The following PCDHGA6 variants were observed in gnomAD, a reference collection of about 807,000 sequenced individuals.
The protein encoded by PCDHGA6 is protocadherin gamma subfamily A, 6, also known as protocadherin gamma-A6.
A neutral mutation model predicts 60.6 loss-of-function variants in PCDHGA6; 41 were observed. The observed-to-expected ratio is 0.68, with a 90% CI of 0.53 to 0.88. The LOEUF (loss-of-function observed/expected upper bound fraction) is 0.88. Among genes scored for constraint, PCDHGA6 ranks in the 40% least tolerant of loss-of-function variants. The pLI, the probability that PCDHGA6 is intolerant of heterozygous loss-of-function variation, is 0.00. For missense variants in PCDHGA6, 1,312 were observed against 1,203.0 expected, an observed-to-expected ratio of 1.09 and a Z score of -1.34; for synonymous variants, 594 against 524.4, an observed-to-expected ratio of 1.13 and a Z score of -1.81.
At chr5:141,463,738 G>A (rs1002263384) in intron 1 of PCDHGA6, among the ~76,000 whole-genome samples, 4 of 151,978 alleles carry the variant, frequency 2.6e-5, no homozygotes, top group Admixed American at 2.6e-4. Flanking sequence ...GAGCCACCGC[G>A]CCCGGCCTGC....
intron 1 of PCDHGA6, chr5:141,395,097 G>C (rs376460647): frequency 1.9e-6 from 3 of 1,614,158 alleles, no homozygotes; most frequent in Non-Finnish European, 2.5e-6. Flanking sequence ...CCTCACCGCC[G>C]ACTCGCGGAA....
In PCDHGA6 at chr5:141,476,742, G is replaced by C. The variant is rs1015622831; in HGVS notation, c.2425-18065G>C. 8.7e-6 allele frequency: 14 copies of C among 1,613,936 alleles called. No homozygotes were observed. Among genetic ancestry groups the C allele is most frequent in the Non-Finnish European group, 1.1e-5 (13 of 1,180,032 alleles). On this transcript the variant is annotated intron_variant, in intron 1 of 3. Transcript: ENST00000517434. The surrounding 1 kb of genome is among the most constrained non-coding windows in gnomAD (Gnocchi z 7.6). ...GCCCTGGACCGAGAACGGGAGCCTA[G>C]TCTCCAGTTAGTGCTGACGGCGTTG...
intron 1 of PCDHGA6, among the ~76,000 whole-genome samples, chr5:141,438,637 C>G (rs11958903): frequency 3.2e-5 from 1 of 30,940 alleles, no homozygotes. Context: ...TATATATATA[C>G]ACACACACAC....
At chr5:141,437,225 T>C (rs943242286) in intron 1 of PCDHGA6, among the ~76,000 whole-genome samples, 2 of 152,240 alleles carry the variant, frequency 1.3e-5, no homozygotes, top group Admixed American at 1.3e-4. Flanking sequence ...ATTCCAGTCA[T>C]AAAATTATGT....
rs1279890312 is a variant in PCDHGA6, at chr5:141,432,403, G to C, written c.2424+55896G>C. On this transcript the variant is annotated intron_variant, in intron 1 of 3. Transcript: ENST00000517434. This position sits in a 1 kb window ranked among gnomAD's most constrained non-coding sequence, Gnocchi z 6.0. ...CGCCCCTCAGCAGCAACGTGTCGTT[G>C]AGCCTGTTCGTGCTGGACCAGAACG... 1.9e-6 allele frequency: 3 copies of C among 1,614,242 alleles called. No homozygotes were observed. Among genetic ancestry groups the C allele is most frequent in the Non-Finnish European group, 8.5e-7 (1 of 1,180,052 alleles).
chr5:141,448,145 A>G (rs2098568457), intron 1 of PCDHGA6, among the ~76,000 whole-genome samples: 1 of 151,716 alleles, frequency 6.6e-6, no homozygotes, highest in South Asian at 2.1e-4. Flanking sequence ...TATACCTCAG[A>G]CTCACCCCTG....
At chr5:141,387,666 A>C (rs1286333740) in intron 1 of PCDHGA6, 1 of 683,200 alleles carries the variant, frequency 1.5e-6, no homozygotes, top group African/African-American at 1.8e-5. Flanking sequence ...TTGGCGCTCC[A>C]GATCTCCTCG....
rs1242744421 is a variant in PCDHGA6, at chr5:141,374,746, C to T, written c.663C>T (p.Val221=). 2.5e-6 allele frequency: 4 copies of T among 1,612,108 alleles called. No homozygotes were observed. The highest frequency in any genetic ancestry group is 4.5e-5 in the East Asian group (2 of 44,814). The change falls in exon 1 of 4, where the codon GTC becomes GTT. Residue 221 remains valine, a synonymous_variant. Transcript: ENST00000517434. ...VLTAMDGGDP[V]RSSVAQILVT... ...CTGCCATGGATGGCGGCGACCCTGT[C>T]CGCTCAAGCGTCGCCCAAATTCTGG...
chr5:141,489,290 G>A lies in PCDHGA6; in HGVS notation c.2425-5517G>A. 6.3e-7 allele frequency: 1 copy of A among 1,577,514 alleles called. No individual in the cohort carries two copies. The highest frequency in any genetic ancestry group is 8.6e-7 in the Non-Finnish European group (1 of 1,162,002). ...CTCGCTGGGAAATGGCAAGTGCTGT[G>A]CATGTTGTCCTTGTGCTGCTGGGGC... On this transcript the variant is annotated intron_variant, in intron 1 of 3. Transcript: ENST00000517434. This position sits in a 1 kb window ranked among gnomAD's most constrained non-coding sequence, Gnocchi z 4.5.
chr5:141,431,553 A>T lies in PCDHGA6; in HGVS notation c.2424+55046A>T, dbSNP rs762863300. On this transcript the variant is annotated intron_variant, in intron 1 of 3. Coordinates refer to ENST00000517434, the MANE Select transcript of PCDHGA6 (RefSeq NM_018919.3). The surrounding 1 kb of genome is among the most constrained non-coding windows in gnomAD (Gnocchi z 4.8). Reference sequence around the variant, plus strand: ...TTGGGCACGCAGCTGCTTGTAGTCAACGCTACCGACCCTGACGAAGGAGTC... The same window carrying T: ...TTGGGCACGCAGCTGCTTGTAGTCATCGCTACCGACCCTGACGAAGGAGTC... The T allele has an allele frequency of 1.1e-5, 18 of 1,613,994 alleles. 1 individual carries two copies. Among genetic ancestry groups the T allele is most frequent in the Non-Finnish European group, 3.4e-6 (4 of 1,180,028 alleles).
Position 141,476,241 on chromosome 5 carries a change from A to G in PCDHGA6, c.2425-18566A>G, listed in dbSNP as rs375405507. ...CACTATGAGATCCCGGAGGAAAGAG[A>G]GAAGGGTTTCGCTGTGGGCAACGTG... On this transcript the variant is annotated intron_variant, in intron 1 of 3. Transcript: ENST00000517434. The surrounding 1 kb of genome is among the most constrained non-coding windows in gnomAD (Gnocchi z 7.6). 3.7e-6 allele frequency: 6 copies of G among 1,613,626 alleles called. No homozygotes were observed. The highest frequency in any genetic ancestry group is 2.2e-5 in the East Asian group (1 of 44,834).
In PCDHGA6 at chr5:141,423,130, G is replaced by A. The variant is rs770258338; in HGVS notation, c.2424+46623G>A. On this transcript the variant is annotated intron_variant, in intron 1 of 3. Coordinates refer to ENST00000517434, the MANE Select transcript of PCDHGA6 (RefSeq NM_018919.3). The stretch of plus-strand genomic sequence containing the variant: ...GGTGCGTACAGCGCGGGCACTGCTG[G>A]ACAGAGACGCGCTCAAGCAGAGCCT... The A allele has an allele frequency of 9.3e-6, 15 of 1,613,582 alleles. No individual in the cohort carries two copies. Among genetic ancestry groups the A allele is most frequent in the Middle Eastern group, 1.6e-4 (1 of 6,072 alleles).
At chr5:141,415,753 T>TG in intron 1 of PCDHGA6, 2 of 1,381,386 alleles carry the variant, frequency 1.4e-6, no homozygotes, top group Non-Finnish European at 1.9e-6. Context: ...TTTTTTTTTT[T>TG]TTTTTTTTTT....
intron 1 of PCDHGA6, among the ~76,000 whole-genome samples, chr5:141,492,090 C>T (rs751238997): frequency 1.4e-4 from 21 of 152,258 alleles, no homozygotes; most frequent in Admixed American, 6.5e-5. Flanking sequence ...GCACGCTTCG[C>T]CGGTCTGTAG....
chr5:141,387,670 C>T, intron 1 of PCDHGA6: 1 of 694,130 alleles, frequency 1.4e-6, no homozygotes, highest in Non-Finnish European at 2.3e-6. Flanking sequence ...CGCTCCAGAT[C>T]TCCTCGCGCA....
At chr5:141,453,287 A>ATTT (rs2098760771) in intron 1 of PCDHGA6, among the ~76,000 whole-genome samples, 3 of 151,368 alleles carry the variant, frequency 2.0e-5, no homozygotes, top group African/African-American at 7.3e-5. Flanking sequence ...CTAATTTTTT[A>ATTT]ATTATTTATT....
At chr5:141,478,247 G>T in intron 1 of PCDHGA6, 1 of 1,614,076 alleles carries the variant, frequency 6.2e-7, no homozygotes, top group Non-Finnish European at 8.5e-7. Context: ...CACAGTGTTC[G>T]GAGTAATCAT....
intron 1 of PCDHGA6, chr5:141,403,095 T>A (rs754367041): frequency 6.2e-7 from 1 of 1,614,026 alleles, no homozygotes; most frequent in East Asian, 2.2e-5. Flanking sequence ...GTGGGCAACA[T>A]CTCCAAGGAC....
intron 1 of PCDHGA6, chr5:141,421,168 A>G: frequency 1.5e-6 from 2 of 1,331,612 alleles, no homozygotes; most frequent in South Asian, 1.5e-5. Context: ...TCATAGATAC[A>G]TAAGCCGATT....
Sources: gnomAD v4.1 joint callset for allele counts (sites outside exome capture counted in the v4.1 genomes callset) on GRCh38, gnomAD v4.1.1 for gene constraint, Gnocchi (gnomAD v3.1) non-coding constraint, MANE v1.5 for transcripts, NCBI Gene and HGNC (gene_info 2026-07-23, HGNC 2026-07-21) for gene names.